RORC: variants seen among roughly 807,000 people sequenced by gnomAD.
The protein encoded by RORC is RAR related orphan receptor C, also known as nuclear receptor ROR-gamma.
A neutral mutation model predicts 64.5 loss-of-function variants in RORC; 13 were observed. That is an observed-to-expected ratio of 0.20 (90% confidence interval 0.13 to 0.32). RORC has a LOEUF of 0.32. Among genes scored for constraint, RORC ranks in the 10% least tolerant of loss-of-function variants. RORC has a pLI of 1.00. For missense variants in RORC, 468 were observed against 669.5 expected, an observed-to-expected ratio of 0.70 and a Z score of 3.32; for synonymous variants, 277 against 259.3, an observed-to-expected ratio of 1.07 and a Z score of -0.65.
intron 2 of RORC, chr1:151,826,129 CAAGTGACA>C: frequency 7.8e-7 from 1 of 1,281,294 alleles, no homozygotes; most frequent in African/African-American, 1.5e-5. Context: ...CACAGGTGGC[CAAGTGACA>C]ACCCCCCACC....
In RORC at chr1:151,830,814, T is replaced by G; in HGVS notation, c.40+911A>C. On this transcript the variant is annotated intron_variant, in intron 1 of 10. Coordinates refer to ENST00000318247, the MANE Select transcript of RORC (RefSeq NM_005060.4). The surrounding 1 kb of genome is among the most constrained non-coding windows in gnomAD (Gnocchi z 4.0). ...AAGGCCCCACCCAGCCCCGCCCACC[T>G]CCCCTTGCTCCTGCCTGGCCCCACC... is the stretch of plus-strand genomic sequence containing the variant. 1 of 169,184 alleles carries G rather than the reference T, an allele frequency of 5.9e-6. No homozygotes were observed. Among genetic ancestry groups the G allele is most frequent in the Non-Finnish European group, 1.2e-5 (1 of 86,038 alleles). 10.5% of individuals were successfully genotyped at this position (169,184 alleles called of 1,614,324 possible).
intron 2 of RORC, among the ~76,000 whole-genome samples, chr1:151,820,039 G>A (rs1020529359): frequency 9.9e-5 from 15 of 152,148 alleles, no homozygotes; most frequent in African/African-American, 3.6e-4. Context: ...AGAGACGGCT[G>A]CGGAAACACT....
In RORC at chr1:151,814,642, G is replaced by A. The variant is rs141288859; in HGVS notation, c.865C>T (p.Leu289=). 2 of 1,612,766 alleles carry A rather than the reference G, an allele frequency of 1.2e-6. No homozygotes were observed. Among genetic ancestry groups the A allele is most frequent in the Admixed American group, 1.7e-5 (1 of 59,900 alleles). ...KSYRETCQLR[L]EDLLRQRSNI... ...GAGCGCTGCCGCAGCAGGTCCTCCAGCCGCAGCTGGCATGTCTCCCTGTAG... is the reference window on the plus strand; with the variant it reads ...GAGCGCTGCCGCAGCAGGTCCTCCAACCGCAGCTGGCATGTCTCCCTGTAG... The change falls in exon 6 of 11, where the codon CTG becomes TTG. Residue 289 remains leucine (L), a synonymous_variant. Coordinates refer to ENST00000318247, the MANE Select transcript of RORC (RefSeq NM_005060.4).
chr1:151,818,335 C>T (rs114541131), intron 2 of RORC, among the ~76,000 whole-genome samples: 1,672 of 152,296 alleles, frequency 0.011, 38 homozygotes, highest in African/African-American at 0.038. Context: ...TGCGTCCACA[C>T]GTGCATATTT....
chr1:151,814,648 G>A lies in RORC; in HGVS notation c.859C>T (p.Leu287=), dbSNP rs1219739693. ...TGCCGCAGCAGGTCCTCCAGCCGCAGCTGGCATGTCTCCCTGTAGGACTTG... is the reference window on the plus strand; with the variant it reads ...TGCCGCAGCAGGTCCTCCAGCCGCAACTGGCATGTCTCCCTGTAGGACTTG... ...VCKSYRETCQ[L]RLEDLLRQRS... Residue 287 remains leucine, a synonymous_variant, in exon 6 of 11, where the codon CTG becomes TTG. Coordinates refer to ENST00000318247, the MANE Select transcript of RORC (RefSeq NM_005060.4). The A allele has an allele frequency of 1.9e-6, 3 of 1,612,838 alleles. No homozygotes were observed. The highest frequency in any genetic ancestry group is 1.7e-6 in the Non-Finnish European group (2 of 1,179,466).
chr1:151,815,111 T>C lies in RORC; in HGVS notation c.613A>G (p.Ser205Gly). Residue 205 changes from serine to glycine, a missense_variant, in exon 5 of 11, where the codon AGC becomes GGC. By Grantham distance (56) the Ser-to-Gly change is moderately conservative (BLOSUM62 0). Coordinates refer to ENST00000318247, the MANE Select transcript of RORC (RefSeq NM_005060.4). ...LNGASCHLEY[S>G]PERGKAEGRE... Reference sequence around the variant, plus strand: ...CCCTCAGCCTTGCCCCGCTCAGGGCTGTATTCAAGGTGGCATGAGGCCCCA... The same window carrying C: ...CCCTCAGCCTTGCCCCGCTCAGGGCCGTATTCAAGGTGGCATGAGGCCCCA... The C allele has an allele frequency of 6.2e-7, 1 of 1,614,198 alleles. No homozygotes were observed. The highest frequency in any genetic ancestry group is 8.5e-7 in the Non-Finnish European group (1 of 1,180,018).
At chr1:151,826,880 G>A (rs1442020106) in intron 2 of RORC, among the ~76,000 whole-genome samples, 1 of 152,226 alleles carries the variant, frequency 6.6e-6, no homozygotes, top group Non-Finnish European at 1.5e-5. Context: ...CACTTTGGGA[G>A]CCCAAGGTGG....
intron 2 of RORC, chr1:151,825,910 A>C (rs201402010): frequency 6.2e-7 from 1 of 1,613,476 alleles, no homozygotes; most frequent in Non-Finnish European, 8.5e-7. Context: ...CCCCGCCCCC[A>C]GGTGGCCCCA....
intron 2 of RORC, among the ~76,000 whole-genome samples, chr1:151,827,849 G>C (rs1442224109): frequency 6.6e-6 from 1 of 152,154 alleles, no homozygotes; most frequent in African/African-American, 2.4e-5. Context: ...TCCTGGCTGA[G>C]GTTTCTGAGG....
chr1:151,821,108 C>A (rs1651981338), intron 2 of RORC, among the ~76,000 whole-genome samples: 1 of 152,228 alleles, frequency 6.6e-6, no homozygotes, highest in Non-Finnish European at 1.5e-5. Flanking sequence ...AGTCCTCCAT[C>A]CTCCTCTAAT....
In RORC at chr1:151,815,246, G is replaced by A. The variant is rs552419970; in HGVS notation, c.478C>T (p.Leu160=). The change falls in exon 5 of 11, where the codon CTG becomes TTG. Residue 160 remains leucine (L), a synonymous_variant. Coordinates refer to ENST00000318247, the MANE Select transcript of RORC (RefSeq NM_005060.4). ...TCAGGCAGGTCAGGCGAGGAGCCCA[G>A]GGGCAGCTGCCCGTCTGGGAGCCCC... ...TLGLPDGQLP[L]GSSPDLPEAS... The A allele has an allele frequency of 3.1e-6, 5 of 1,610,774 alleles. No individual in the cohort carries two copies. The East Asian group carries it at 1.1e-4, about 36-fold the overall frequency.
intron 10 of RORC, among the ~76,000 whole-genome samples, chr1:151,810,547 T>TTTC (rs900116632): frequency 2.6e-5 from 4 of 151,948 alleles, no homozygotes; most frequent in Non-Finnish European, 5.9e-5. Flanking sequence ...TTTTTTTTTT[T>TTTC]TTGAGACAGA....
chr1:151,831,656 G>T, intron 1 of RORC, 69 bp downstream of exon 1: 1 of 1,607,902 alleles, frequency 6.2e-7, no homozygotes. Flanking sequence ...CCAGTCTCTT[G>T]CCATTTCTGC....
intron 10 of RORC, among the ~76,000 whole-genome samples, chr1:151,810,544 T>TTTG (rs1476171056): frequency 6.6e-6 from 1 of 151,860 alleles, no homozygotes; most frequent in African/African-American, 2.4e-5. Context: ...TTTTTTTTTT[T>TTTG]TTTTTGAGAC....
chr1:151,814,535 G>A (rs1248074700), intron 6 of RORC, 39 bp downstream of exon 6: 1 of 1,588,238 alleles, frequency 6.3e-7, no homozygotes, highest in African/African-American at 1.3e-5. Flanking sequence ...CCCGGTGGGG[G>A]TGGGATACGT....
intron 2 of RORC, among the ~76,000 whole-genome samples, chr1:151,817,679 C>T (rs897692403): frequency 2.0e-5 from 3 of 152,256 alleles, no homozygotes; most frequent in Admixed American, 6.5e-5. Context: ...TCCTCTGTGC[C>T]TCCCTCCCTC....
chr1:151,824,330 T>G (rs991453948), intron 2 of RORC, among the ~76,000 whole-genome samples: 1 of 152,160 alleles, frequency 6.6e-6, no homozygotes, highest in African/African-American at 2.4e-5. Context: ...AATGGAGAGC[T>G]GGCCAAGTGT....
At chr1:151,816,614 C>T in intron 4 of RORC, 50 bp downstream of exon 4, 1 of 1,538,526 alleles carries the variant, frequency 6.5e-7, no homozygotes. Context: ...GCCAGGCTGC[C>T]CCTCTGGAGA....
chr1:151,823,236 T>A (rs558754598), intron 2 of RORC, among the ~76,000 whole-genome samples: 6 of 152,244 alleles, frequency 3.9e-5, no homozygotes, highest in African/African-American at 1.4e-4. Flanking sequence ...CTGTTCCTCA[T>A]GATCATGACC....
Sources: allele counts gnomAD v4.1 joint callset (sites outside exome capture counted in the v4.1 genomes callset), GRCh38; gene constraint gnomAD v4.1.1; non-coding constraint Gnocchi (gnomAD v3.1); transcripts MANE v1.5; gene names NCBI Gene and HGNC (gene_info 2026-07-23, HGNC 2026-07-21).